NPC1: variants seen among roughly 807,000 people sequenced by gnomAD.
NPC1 encodes NPC intracellular cholesterol transporter 1.
In NPC1, 85 loss-of-function variants were observed where a neutral mutation model predicts 140.4. The ratio of observed to expected loss-of-function variants is 0.61; its 90% confidence interval spans 0.51 to 0.72. The LOEUF is 0.72. NPC1 is among the 30% of genes least tolerant of loss of function. The probability of loss-of-function intolerance (pLI) is 0.00; values close to 1 mark genes in which losing one functional copy is unlikely to be tolerated. For synonymous variants in NPC1, 656 were observed against 624.8 expected, an observed-to-expected ratio of 1.05 and a Z score of -0.74; for missense variants, 1,504 against 1,623.8, an observed-to-expected ratio of 0.93 and a Z score of 1.27.
intron 2 of NPC1, among the ~76,000 whole-genome samples, 165 bp downstream of exon 2, chr18:23,573,287 T>C (rs755913632): frequency 6.6e-6 from 1 of 152,244 alleles, no homozygotes; most frequent in African/African-American, 2.4e-5. Context: ...TACGGTGTTC[T>C]TTCTCTGCAC....
chr18:23,560,474 G>A lies in NPC1; in HGVS notation c.638C>T (p.Pro213Leu). Residue 213 changes from proline (P) to leucine (L), a missense_variant, in exon 6 of 25, where the codon CCA becomes CTA. Transcript: ENST00000269228. ...GTTCATGGGCTCCATCCCATGGACT[G>A]GAAAATCTACAGAAAGGAATTGTGT... ...FTITPVFSDFPVHGMEPMNNA... is the reference protein window; with the variant it reads ...FTITPVFSDFLVHGMEPMNNA... The A allele has an allele frequency of 6.2e-7, 1 of 1,613,964 alleles. No homozygotes were observed. Among genetic ancestry groups the A allele is most frequent in the Non-Finnish European group, 8.5e-7 (1 of 1,180,000 alleles).
At chr18:23,506,428 T>G (rs1018114683) in exon 4 of NPC1, 1 of 152,256 alleles carries the variant, frequency 6.6e-6, no homozygotes. Flanking sequence ...AGACGGGGTC[T>G]CACTGTGTTG....
rs2058537788 is a variant in NPC1 at position 23,532,283 on chromosome 18, C to T, written c.3756G>A (p.Gly1252=). Reference sequence around the variant, plus strand: ...AACTTTTGGCTTTATTTACTGATGGCCCTATGAGAGAGAGAGACTTTTTCT... The same window carrying T: ...AACTTTTGGCTTTATTTACTGATGGTCCTATGAGAGAGAGAGACTTTTTCT... ...IFLPVLLSYI[G]PSVNKAKSCA... Residue 1252 remains glycine, a splice_region_variant and synonymous_variant, in exon 25 of 25, where the codon GGG becomes GGA. Coordinates refer to ENST00000269228, the MANE Select transcript of NPC1 (RefSeq NM_000271.5). 3 of 1,613,972 alleles carry T rather than the reference C, an allele frequency of 1.9e-6. No individual in the cohort carries two copies. In the Admixed American group the frequency reaches 5.0e-5, roughly 27 times the overall value.
Position 23,536,345 on chromosome 18 carries a change from C to G in NPC1, c.3245+328G>C, listed in dbSNP as rs556299613. Among the ~76,000 whole-genome samples, 12 of 152,312 alleles carry G rather than the reference C, an allele frequency of 7.9e-5. No homozygotes were observed. The South Asian group carries it at 2.3e-3, about 29-fold the overall frequency. Reference sequence around the variant, plus strand: ...TTAGGGATTCTGGTTCATTGTTGGCCAAGAATGTGGGCCGGGCCCTGCTCT... The same window carrying G: ...TTAGGGATTCTGGTTCATTGTTGGCGAAGAATGTGGGCCGGGCCCTGCTCT... On this transcript the variant is annotated intron_variant, in intron 21 of 24. Coordinates refer to ENST00000269228, the MANE Select transcript of NPC1 (RefSeq NM_000271.5).
intron 3 of NPC1, chr18:23,507,079 C>A: frequency 7.0e-7 from 1 of 1,421,050 alleles, no homozygotes; most frequent in Non-Finnish European, 9.7e-7. Context: ...TAAAATACAG[C>A]ATTAAAGGGC....
rs114631154 is a variant in NPC1 at position 23,532,482 on chromosome 18, G to A, written c.3755-198C>T. Reference sequence around the variant, plus strand: ...GGCTCTTTGCTTTCTTCCTCAGGCTGCAGTGCAGTGGTATGAACACGACTC... The same window carrying A: ...GGCTCTTTGCTTTCTTCCTCAGGCTACAGTGCAGTGGTATGAACACGACTC... On this transcript the variant is annotated intron_variant, in intron 24 of 24. Transcript: ENST00000269228. 1.6e-3 allele frequency among the ~76,000 whole-genome samples: 242 copies of A among 152,236 alleles called. 1 individual carries two copies. The highest frequency in any genetic ancestry group is 5.6e-3 in the African/African-American group (231 of 41,542).
chr18:23,582,941 T>G (rs2059373645), intron 1 of NPC1, among the ~76,000 whole-genome samples: 1 of 151,742 alleles, frequency 6.6e-6, no homozygotes, highest in Admixed American at 6.6e-5. Context: ...AGACCTTGTG[T>G]CTACAAAAAA....
At chr18:23,516,800 A>C (rs2058019946) in intron 3 of NPC1, among the ~76,000 whole-genome samples, 1 of 147,406 alleles carries the variant, frequency 6.8e-6, no homozygotes, top group African/African-American at 2.5e-5. Context: ...GTGTCGGCTC[A>C]CTGCAGCCTC....
rs536730536 is a variant in NPC1 at position 23,550,791 on chromosome 18, C to G, written c.1654+836G>C. On this transcript the variant is annotated intron_variant, in intron 10 of 24. Transcript: ENST00000269228. ...GTGAGCCACCACGCCTGGCCCAGTT[C>G]TTACATTTCAATCTTTTATCCATCT... Among the ~76,000 whole-genome samples the G allele has an allele frequency of 2.0e-5, 3 of 152,268 alleles. No homozygotes were observed. The South Asian group carries it at 6.2e-4, about 32-fold the overall frequency.
rs1567945897 is a variant in NPC1, at chr18:23,535,736, T to G, written c.3246-36A>C. The G allele has an allele frequency of 2.2e-6, 3 of 1,382,208 alleles. No homozygotes were observed. The Admixed American group carries it at 5.1e-5, about 23-fold the overall frequency. 85.6% of individuals were successfully genotyped at this position (1,382,208 alleles called of 1,614,324 possible). ...GAGGGGAGGCCTCATTAAAGCTCGC[T>G]CTCACTCCCGAACACTGCGTGTTCA... On this transcript the variant is annotated intron_variant, in intron 21 of 24. Coordinates refer to ENST00000269228, the MANE Select transcript of NPC1 (RefSeq NM_000271.5).
rs1230719185 is a variant in NPC1 at position 23,572,653 on chromosome 18, G to C, written c.181-473C>G. Among the ~76,000 whole-genome samples the C allele has an allele frequency of 4.1e-4, 23 of 55,464 alleles. No individual in the cohort carries two copies. The Admixed American group carries it at 4.7e-3, about 11-fold the overall frequency. 36.4% of individuals were successfully genotyped at this position (55,464 alleles called of 152,430 possible). A position where few individuals can be genotyped will look rare whatever the true frequency, so the allele number is the denominator to read the frequency against. On this transcript the variant is annotated intron_variant, in intron 2 of 24. Transcript: ENST00000269228. ...GTTTGAGACCAGGCTAGGCAACATG[G>C]TGAAGCCCCATCTCCCCAAATTTTT...
At chr18:23,521,761 A>G (rs1277752060), downstream of NPC1, among the ~76,000 whole-genome samples, 1 of 151,906 alleles carries the variant, frequency 6.6e-6, no homozygotes, top group Non-Finnish European at 1.5e-5. Flanking sequence ...GTTCAAGATC[A>G]AGATGTCTGC....
intron 10 of NPC1, among the ~76,000 whole-genome samples, chr18:23,550,290 C>T (rs896679801): frequency 1.3e-5 from 2 of 151,898 alleles, no homozygotes; most frequent in Non-Finnish European, 1.5e-5. Flanking sequence ...GGATTACAGG[C>T]ATGAATAACT....
chr18:23,543,125 C>T lies in NPC1; in HGVS notation c.2245+330G>A, dbSNP rs552818414. ...GGTACATCACCTGAGGTCAGGAGTT[C>T]GAGACCAGCCTGGCCAACATGGTGA... On this transcript the variant is annotated intron_variant, in intron 14 of 24. Transcript: ENST00000269228. 3.9e-5 allele frequency among the ~76,000 whole-genome samples: 6 copies of T among 152,114 alleles called. No homozygotes were observed. In the South Asian group the frequency reaches 6.2e-4, roughly 16 times the overall value.
chr18:23,543,597 G>A (rs532456247), intron 13 of NPC1, 28 bp from the exon 14 acceptor site: 114 of 1,236,996 alleles, frequency 9.2e-5, no homozygotes, highest in Middle Eastern at 5.6e-4. Context: ...AAAATTATGC[G>A]ACATTAAAAT....
chr18:23,510,744 T>G (rs1013049044), intron 3 of NPC1, among the ~76,000 whole-genome samples: 5 of 152,064 alleles, frequency 3.3e-5, no homozygotes, highest in Non-Finnish European at 7.4e-5. Context: ...TCACTGATCA[T>G]TAGAGAAATG....
chr18:23,519,985 G>A (rs1809669555), downstream of NPC1, among the ~76,000 whole-genome samples: 1 of 152,204 alleles, frequency 6.6e-6, no homozygotes, highest in South Asian at 2.1e-4. Flanking sequence ...AAGGAAGCAT[G>A]TCATAAATGC....
At chr18:23,555,688 C>T (rs889940374) in intron 8 of NPC1, among the ~76,000 whole-genome samples, 1 of 152,172 alleles carries the variant, frequency 6.6e-6, no homozygotes, top group African/African-American at 2.4e-5. Context: ...GTTTACATGC[C>T]TTTCTAGGAG....
At chr18:23,575,951 C>T (rs572664803) in intron 1 of NPC1, among the ~76,000 whole-genome samples, 1 of 151,658 alleles carries the variant, frequency 6.6e-6, no homozygotes, top group African/African-American at 2.4e-5. Context: ...AGGCCGGGCA[C>T]GGTGGCTCAC....
Sources: gnomAD v4.1 joint callset for allele counts (sites outside exome capture counted in the v4.1 genomes callset) on GRCh38, gnomAD v4.1.1 for gene constraint, MANE v1.5 for transcripts, NCBI Gene and HGNC (gene_info 2026-07-23, HGNC 2026-07-21) for gene names.